CPNE5: variants seen among roughly 807,000 people sequenced by gnomAD.
The protein encoded by CPNE5 is copine 5, also known as copine-5.
Under a neutral mutation model 81.1 loss-of-function variants are expected in CPNE5, and 42 were observed. That is an observed-to-expected ratio of 0.52 (90% confidence interval 0.40 to 0.67). The LOEUF (loss-of-function observed/expected upper bound fraction) is 0.67, where lower values mean the gene tolerates loss of function less well. CPNE5 is among the 30% of genes least tolerant of loss of function. The pLI is 0.00. For missense variants in CPNE5, 612 were observed against 815.5 expected (o/e 0.75, Z 3.04); for synonymous variants, 313 against 321.5 (o/e 0.97, Z 0.28).
chr6:36,808,359 T>C (rs1770789151), intron 3 of CPNE5, among the ~76,000 whole-genome samples: 1 of 152,066 alleles, frequency 6.6e-6, no homozygotes, highest in African/African-American at 2.4e-5. Flanking sequence ...CCTCACAAAG[T>C]GCTGGGATTA....
intron 1 of CPNE5, among the ~76,000 whole-genome samples, chr6:36,823,392 A>T (rs1772230921): frequency 6.6e-6 from 1 of 152,176 alleles, no homozygotes; most frequent in Non-Finnish European, 1.5e-5. Flanking sequence ...GCCACTCACC[A>T]TCGGGGGATT....
intron 8 of CPNE5, among the ~76,000 whole-genome samples, chr6:36,781,403 T>A (rs1474978863): frequency 3.4e-5 from 3 of 88,838 alleles, no homozygotes; most frequent in African/African-American, 1.7e-4. Context: ...AAAATAACTC[T>A]TGTTTCCCTA....
intron 8 of CPNE5, among the ~76,000 whole-genome samples, chr6:36,789,042 A>T (rs1385314784): frequency 2.0e-5 from 3 of 152,220 alleles, no homozygotes; most frequent in African/African-American, 7.2e-5. Context: ...CTGAATGCTG[A>T]GCTGGAAAGA....
rs186326719 is a variant in CPNE5, at chr6:36,747,941, T to C, written c.1018+280A>G. On this transcript the variant is annotated intron_variant, in intron 15 of 20. Transcript: ENST00000244751. The stretch of plus-strand genomic sequence containing the variant: ...CCGGGGGGAAACATCTCCAGGGCCC[T>C]CCATAGGCCCAGAGTACACACAATC... 3.3e-5 allele frequency among the ~76,000 whole-genome samples: 5 copies of C among 152,280 alleles called. No homozygotes were observed. The East Asian group carries it at 7.7e-4, about 23-fold the overall frequency.
intron 3 of CPNE5, among the ~76,000 whole-genome samples, chr6:36,802,275 C>T (rs1017748220): frequency 7.5e-6 from 1 of 133,484 alleles, no homozygotes; most frequent in Admixed American, 7.5e-5. Flanking sequence ...ATGCTATATG[C>T]TTTTTTTCCC....
intron 20 of CPNE5, 123 bp from the exon 21 acceptor site, chr6:36,742,609 C>A (rs1331457587): frequency 2.1e-6 from 3 of 1,462,300 alleles, no homozygotes; most frequent in Non-Finnish European, 9.0e-7. Context: ...TCAATCCCCC[C>A]ACCTTTCTGA....
chr6:36,834,655 C>CAAA (rs764110245), intron 1 of CPNE5, among the ~76,000 whole-genome samples: 2 of 126,552 alleles, frequency 1.6e-5, no homozygotes, highest in Non-Finnish European at 1.7e-5. Flanking sequence ...GACTCCATCT[C>CAAA]AAAAAAAAAA....
intron 12 of CPNE5, among the ~76,000 whole-genome samples, chr6:36,756,640 C>T (rs1367929211): frequency 6.6e-6 from 1 of 152,170 alleles, no homozygotes; most frequent in Non-Finnish European, 1.5e-5. Flanking sequence ...CTGTACCTGT[C>T]CCTTGTGTTG....
chr6:36,769,470 C>T lies in CPNE5; in HGVS notation c.738-4094G>A, dbSNP rs1281308945. ...TACCAACTAGCTCTATCTATAGTTT[C>T]CTCCCAGCTGAGCTGCAAGGTCTGC... On this transcript the variant is annotated intron_variant, in intron 10 of 20. Transcript: ENST00000244751. Among the ~76,000 whole-genome samples, 3 of 152,252 alleles carry T rather than the reference C, an allele frequency of 2.0e-5. No homozygotes were observed. In the East Asian group the frequency reaches 5.8e-4, roughly 29 times the overall value.
intron 10 of CPNE5, among the ~76,000 whole-genome samples, chr6:36,765,895 A>G (rs1766523660): frequency 6.6e-6 from 1 of 152,146 alleles, no homozygotes; most frequent in Admixed American, 6.5e-5. Flanking sequence ...GAGCTTTTCC[A>G]TCCCCACGAC....
intron 10 of CPNE5, among the ~76,000 whole-genome samples, chr6:36,774,510 C>A (rs372374027): frequency 1.8e-4 from 28 of 152,332 alleles, no homozygotes; most frequent in African/African-American, 6.0e-4. Flanking sequence ...GAATTGGGAC[C>A]AGCTGCCTCT....
chr6:36,804,868 C>A (rs1000981667), intron 3 of CPNE5, among the ~76,000 whole-genome samples: 1 of 152,162 alleles, frequency 6.6e-6, no homozygotes, highest in African/African-American at 2.4e-5. Flanking sequence ...GGAAAGGGGG[C>A]ACATGAGCTA....
At chr6:36,781,237 G>A (rs1195518381) in intron 8 of CPNE5, among the ~76,000 whole-genome samples, 1 of 152,084 alleles carries the variant, frequency 6.6e-6, no homozygotes, top group African/African-American at 2.4e-5. Context: ...GAAGGAAGCT[G>A]GACTGGGGGC....
chr6:36,816,457 T>C (rs898029957), intron 3 of CPNE5, among the ~76,000 whole-genome samples: 21 of 152,298 alleles, frequency 1.4e-4, no homozygotes, highest in African/African-American at 4.8e-4. Flanking sequence ...CCTCCCAGGA[T>C]TGGCTCATCT....
chr6:36,785,595 A>G (rs1246752543), intron 8 of CPNE5, among the ~76,000 whole-genome samples: 1 of 152,142 alleles, frequency 6.6e-6, no homozygotes, highest in African/African-American at 2.4e-5. Context: ...AAAGCCAGGA[A>G]CAGTGGCTCA....
At chr6:36,761,761 CTAG>C (rs1340507400) in intron 12 of CPNE5, among the ~76,000 whole-genome samples, 1 of 152,132 alleles carries the variant, frequency 6.6e-6, no homozygotes, top group Non-Finnish European at 1.5e-5. Context: ...GGTCACGTAG[CTAG>C]TAAGTGGTAG....
At position 36,788,056 on chromosome 6, in the gene CPNE5, G is replaced by T. The variant is rs1161372776; in HGVS notation, c.528+3977C>A. Among the ~76,000 whole-genome samples, 4 of 149,264 alleles carry T rather than the reference G, an allele frequency of 2.7e-5. No homozygotes were observed. In the South Asian group the frequency reaches 8.4e-4, roughly 31 times the overall value. Reference sequence around the variant, plus strand: ...TTTCTTTTTTTTTTTTTTTTGACAGGGTCTCACTCTGTTCCCCAGGCTTCA... The same window carrying T: ...TTTCTTTTTTTTTTTTTTTTGACAGTGTCTCACTCTGTTCCCCAGGCTTCA... On this transcript the variant is annotated intron_variant, in intron 8 of 20. Coordinates refer to ENST00000244751, the MANE Select transcript of CPNE5 (RefSeq NM_020939.2).
At chr6:36,822,933 C>T in intron 2 of CPNE5, 125 bp downstream of exon 2, 2 of 740,590 alleles carry the variant, frequency 2.7e-6, no homozygotes, top group Non-Finnish European at 2.1e-6. Flanking sequence ...ATTAAACAGG[C>T]TTGACACACT....
In CPNE5 at chr6:36,792,036, A is replaced by G. The variant is rs775947528; in HGVS notation, c.525T>C (p.Cys175=). 3.1e-6 allele frequency: 5 copies of G among 1,613,726 alleles called. No homozygotes were observed. The highest frequency in any genetic ancestry group is 3.4e-6 in the Non-Finnish European group (4 of 1,179,712). Residue 175 remains cysteine, a synonymous_variant, in exon 8 of 21, where the codon TGT becomes TGC. Coordinates refer to ENST00000244751, the MANE Select transcript of CPNE5 (RefSeq NM_020939.2). ...GCTGGAGTCCTCTGCCACTCACCCTACAGTTGCTGAGCTCCTCAGCGGACA... is the reference window on the plus strand; with the variant it reads ...GCTGGAGTCCTCTGCCACTCACCCTGCAGTTGCTGAGCTCCTCAGCGGACA... The part of the protein sequence containing the change: ...IILSAEELSN[C]RDVATMQFCA...
Sources: gnomAD v4.1 joint callset for allele counts (sites outside exome capture counted in the v4.1 genomes callset) on GRCh38, gnomAD v4.1.1 for gene constraint, MANE v1.5 for transcripts, NCBI Gene and HGNC (gene_info 2026-07-23, HGNC 2026-07-21) for gene names.